Variants in PIWIL3 observed in about 807,000 individuals in gnomAD.
PIWIL3 encodes piwi-like protein 3.
In PIWIL3, 101 loss-of-function variants were observed where a neutral mutation model predicts 109.7. That is an observed-to-expected ratio of 0.92 (90% CI 0.78 to 1.09). PIWIL3 has a LOEUF of 1.09. Among genes scored for constraint, PIWIL3 ranks in the 50% least tolerant of loss-of-function variants. The probability of loss-of-function intolerance (pLI) is 0.00; values close to 1 mark genes in which losing one functional copy is unlikely to be tolerated. For missense variants in PIWIL3, 1,031 were observed against 1,072.6 expected, an observed-to-expected ratio of 0.96 and a Z score of 0.54; for synonymous variants, 373 against 376.4, an observed-to-expected ratio of 0.99 and a Z score of 0.10.
In PIWIL3 at chr22:24,728,260, CTTT is replaced by C. The variant is rs754844326; in HGVS notation, c.1819_1821del (p.Lys607del). ...TTGGTGACGATGGTCCTTGCCTGGA[CTTT>C]TTCTAAGGTCTTTTTCACCACACAC... On this transcript the variant is annotated inframe_deletion, in exon 15 of 21. Coordinates refer to ENST00000616349, the MANE Select transcript of PIWIL3 (RefSeq NM_001255975.1). 24 of 1,614,070 alleles carry C rather than the reference CTTT, an allele frequency of 1.5e-5. No individual in the cohort carries two copies. The East Asian group carries it at 5.1e-4, about 34-fold the overall frequency.
intron 1 of PIWIL3, among the ~76,000 whole-genome samples, chr22:24,766,303 T>C (rs1354906129): frequency 6.6e-6 from 1 of 151,064 alleles, no homozygotes; most frequent in Non-Finnish European, 1.5e-5. Flanking sequence ...TTTTGTTTTT[T>C]TGTTTTGTTT....
rs1338722809 is a variant in PIWIL3, at chr22:24,749,759, T to A, written c.1150A>T (p.Lys384Ter). The change falls in exon 10 of 21, where the codon AAA becomes TAA. Residue 384 changes from lysine to a stop codon, truncating the protein, a stop_gained. Coordinates refer to ENST00000616349, the MANE Select transcript of PIWIL3 (RefSeq NM_001255975.1). LOFTEE classifies it high-confidence loss of function. ...CGTTGTGTACCCGTTAGGCCCTTTTTCCATCTGCCCTGGCTGACCAAAAGT... is the reference window on the plus strand; with the variant it reads ...CGTTGTGTACCCGTTAGGCCCTTTTACCATCTGCCCTGGCTGACCAAAAGT... ...QPLLVSQGRW[K>*]KGLTGTQREP... is the part of the protein sequence containing the mutation. 2 of 1,613,924 alleles carry A rather than the reference T, an allele frequency of 1.2e-6. No homozygotes were observed. The highest frequency in any genetic ancestry group is 3.3e-5 in the Admixed American group (2 of 59,984).
chr22:24,755,728 A>G, intron 6 of PIWIL3, 56 bp downstream of exon 6: 2 of 1,606,194 alleles, frequency 1.2e-6, no homozygotes, highest in South Asian at 1.1e-5. Context: ...ATTCCACACC[A>G]CTACACAGTA....
chr22:24,756,203 G>T (rs1270294901), intron 5 of PIWIL3, among the ~76,000 whole-genome samples: 1 of 151,728 alleles, frequency 6.6e-6, no homozygotes, highest in Non-Finnish European at 1.5e-5. Context: ...GGAGTGGGGG[G>T]CTGAAGTTTC....
chr22:24,735,896 G>A lies in PIWIL3; in HGVS notation c.1450-4C>T. 1.3e-6 allele frequency: 2 copies of A among 1,588,490 alleles called. No homozygotes were observed. The highest frequency in any genetic ancestry group is 1.7e-6 in the Non-Finnish European group (2 of 1,168,818). On this transcript the variant is annotated splice_region_variant and splice_polypyrimidine_tract_variant and intron_variant, in intron 12 of 20. Transcript: ENST00000616349. ...CTCCTTGTGAATTGGCTTTAACCTG[G>A]AAAAGAATTATAAGACATGGCATAA...
intron 1 of PIWIL3, among the ~76,000 whole-genome samples, chr22:24,764,700 T>C (rs1925685949): frequency 6.7e-6 from 1 of 148,502 alleles, no homozygotes; most frequent in Non-Finnish European, 1.5e-5. Context: ...TTGCCCAGGC[T>C]GGAGTGCAAC....
intron 14 of PIWIL3, among the ~76,000 whole-genome samples, chr22:24,731,866 A>T (rs563966382): frequency 6.6e-6 from 1 of 152,294 alleles, no homozygotes; most frequent in Admixed American, 6.5e-5. Flanking sequence ...GAGAAACAGC[A>T]GCCCGGCCCC....
At chr22:24,742,929 A>G (rs775580582) in intron 12 of PIWIL3, among the ~76,000 whole-genome samples, 4 of 152,248 alleles carry the variant, frequency 2.6e-5, no homozygotes, top group Non-Finnish European at 4.4e-5. Flanking sequence ...TATGCACAGC[A>G]AAAGAAATAA....
rs1361736142 is a variant in PIWIL3, at chr22:24,719,954, T to C, written c.2358-59A>G. 6 of 1,370,374 alleles carry C rather than the reference T, an allele frequency of 4.4e-6. No individual in the cohort carries two copies. In the East Asian group the frequency reaches 1.2e-4, roughly 27 times the overall value. 84.9% of individuals were successfully genotyped at this position (1,370,374 alleles called of 1,614,324 possible). A position where few individuals can be genotyped will look rare whatever the true frequency, so the allele number is the denominator to read the frequency against. On this transcript the variant is annotated intron_variant, in intron 19 of 20. Coordinates refer to ENST00000616349, the MANE Select transcript of PIWIL3 (RefSeq NM_001255975.1). ...TTTAGAAAGAGGGTATATAGTAAAC[T>C]TAATGTCTGAAATGAAAACATTTAG... is the stretch of plus-strand genomic sequence containing the variant.
In PIWIL3 at chr22:24,724,877, T is replaced by C; in HGVS notation, c.2231+10A>G. The C allele has an allele frequency of 6.2e-7, 1 of 1,611,388 alleles. No individual in the cohort carries two copies. The highest frequency in any genetic ancestry group is 1.7e-4 in the Middle Eastern group (1 of 6,060). On this transcript the variant is annotated intron_variant, in intron 18 of 20. Transcript: ENST00000616349. ...ATGAGTCACTACACATTACAATTAA[T>C]ACAACCTACTTGTTAGGAGAGATGG... is the stretch of plus-strand genomic sequence containing the variant.
intron 1 of PIWIL3, among the ~76,000 whole-genome samples, chr22:24,762,838 C>CA (rs1344944710): frequency 2.0e-5 from 3 of 152,238 alleles, no homozygotes; most frequent in African/African-American, 2.4e-5. Context: ...CAAACTCACT[C>CA]ACCTCCAAGG....
chr22:24,727,927 C>T (rs759571049), intron 16 of PIWIL3, 23 bp downstream of exon 16: 1 of 1,570,164 alleles, frequency 6.4e-7, no homozygotes, highest in African/African-American at 1.4e-5. Context: ...ACTAACTAAA[C>T]ATGTCTACCA....
At chr22:24,735,970 C>A in intron 12 of PIWIL3, 78 bp from the exon 13 acceptor site, 1 of 1,167,632 alleles carries the variant, frequency 8.6e-7, no homozygotes, top group Non-Finnish European at 1.2e-6. Context: ...CGCTGTAAAT[C>A]CGTGCTATCT....
intron 12 of PIWIL3, among the ~76,000 whole-genome samples, chr22:24,738,775 C>T (rs139962201): frequency 1.6e-3 from 237 of 152,218 alleles, no homozygotes; most frequent in African/African-American, 5.5e-3. Context: ...GCCCAGATGG[C>T]GAAGAGAACA....
chr22:24,768,428 A>G (rs1925930696), intron 1 of PIWIL3, among the ~76,000 whole-genome samples: 1 of 151,676 alleles, frequency 6.6e-6, no homozygotes, highest in African/African-American at 2.4e-5. Flanking sequence ...TAATTTTTGT[A>G]TTTTTAGTAG....
rs756545384 is a variant in PIWIL3 at position 24,758,056 on chromosome 22, G to A, written c.224-17C>T. 13 of 1,594,420 alleles carry A rather than the reference G, an allele frequency of 8.2e-6. No homozygotes were observed. In the East Asian group the frequency reaches 1.1e-4, roughly 14 times the overall value. ...CCTTCACCCCTGCATAAATGTAAAC[G>A]CCAGAAGTTTAAACAATAAAAAGGG... is the stretch of plus-strand genomic sequence containing the variant. On this transcript the variant is annotated splice_polypyrimidine_tract_variant and intron_variant, in intron 3 of 20. Transcript: ENST00000616349.
intron 4 of PIWIL3, 64 bp downstream of exon 4, chr22:24,757,844 A>G (rs1366209558): frequency 2.3e-4 from 8 of 35,482 alleles, no homozygotes; most frequent in South Asian, 7.3e-4. Context: ...TCTCTCAATG[A>G]AAAAAAAAAA....
At chr22:24,754,928 C>T (rs1182612704) in intron 6 of PIWIL3, 64 bp from the exon 7 acceptor site, 31 of 1,379,178 alleles carry the variant, frequency 2.2e-5, no homozygotes, top group Non-Finnish European at 3.0e-5. Flanking sequence ...TTTGGTAAGA[C>T]ACATAAGGGA....
intron 18 of PIWIL3, 45 bp from the exon 19 acceptor site, chr22:24,723,300 C>T: frequency 1.3e-6 from 2 of 1,569,930 alleles, no homozygotes; most frequent in Non-Finnish European, 1.7e-6. Flanking sequence ...CTCAGTCTTA[C>T]CTCAGAAGTA....
Sources: gnomAD v4.1 joint callset for allele counts (sites outside exome capture counted in the v4.1 genomes callset) on GRCh38, gnomAD v4.1.1 for gene constraint, MANE v1.5 for transcripts, NCBI Gene and HGNC (gene_info 2026-07-23, HGNC 2026-07-21) for gene names.